NAALADL2: variants seen among roughly 807,000 people sequenced by gnomAD.
The protein encoded by NAALADL2 is N-acetylated alpha-linked acidic dipeptidase like 2.
A neutral mutation model predicts 87.2 loss-of-function variants in NAALADL2; 76 were observed. The observed-to-expected ratio is 0.87, with a 90% CI of 0.72 to 1.05. The LOEUF (loss-of-function observed/expected upper bound fraction) is 1.05, where lower values mean the gene tolerates loss of function less well. NAALADL2 is among the 50% of genes least tolerant of loss of function. The pLI, the probability that NAALADL2 is intolerant of heterozygous loss-of-function variation, is 0.00. For synonymous variants in NAALADL2, 354 were observed against 331.0 expected (o/e 1.07, Z -0.75); for missense variants, 1,089 against 945.8 (o/e 1.15, Z -1.99).
At chr3:174,805,803 T>A (rs1357987646) in intron 3 of NAALADL2, among the ~76,000 whole-genome samples, 1 of 152,186 alleles carries the variant, frequency 6.6e-6, no homozygotes, top group Non-Finnish European at 1.5e-5. Context: ...ATGAGTTAAA[T>A]CATAAATATA....
intron 1 of NAALADL2, among the ~76,000 whole-genome samples, chr3:175,007,120 G>T (rs1262939420): frequency 5.3e-5 from 7 of 131,714 alleles, no homozygotes. Context: ...CCCAAGCCTT[G>T]CACATGCCTA....
At chr3:175,304,155 A>G (rs1654842020) in intron 4 of NAALADL2, among the ~76,000 whole-genome samples, 1 of 152,210 alleles carries the variant, frequency 6.6e-6, no homozygotes, top group Admixed American at 6.5e-5. Flanking sequence ...TGCTCCAGAC[A>G]AGAGAAAAGA....
At chr3:174,859,210 A>T, upstream of NAALADL2, 1 of 566,886 alleles carries the variant, frequency 1.8e-6, no homozygotes, top group Non-Finnish European at 3.2e-6. Flanking sequence ...CAGTGGATCA[A>T]AAGATATGAT....
intron 5 of NAALADL2, among the ~76,000 whole-genome samples, chr3:175,336,108 G>A (rs917456339): frequency 1.3e-5 from 2 of 149,868 alleles, no homozygotes; most frequent in African/African-American, 2.5e-5. Flanking sequence ...AGGGCCTCCC[G>A]AAAGCCTTTC....
chr3:175,558,001 T>C (rs145603715), intron 9 of NAALADL2, among the ~76,000 whole-genome samples: 5,753 of 152,072 alleles, frequency 0.038, 165 homozygotes, highest in South Asian at 0.15. Flanking sequence ...GAGACCATCC[T>C]GGCTAACATG....
At chr3:175,639,611 TC>T (rs1198437354) in intron 11 of NAALADL2, among the ~76,000 whole-genome samples, 1 of 152,112 alleles carries the variant, frequency 6.6e-6, no homozygotes, top group Non-Finnish European at 1.5e-5. Context: ...TGAGTGTTAT[TC>T]TTAAATGTAA....
intron 2 of NAALADL2, among the ~76,000 whole-genome samples, chr3:175,111,551 G>T (rs1265771639): frequency 6.6e-6 from 1 of 151,696 alleles, no homozygotes; most frequent in African/African-American, 2.4e-5. Context: ...TTTTCAGATA[G>T]CTACTGACAT....
chr3:174,885,359 G>A (rs1292936791), intron 1 of NAALADL2, among the ~76,000 whole-genome samples: 3 of 152,108 alleles, frequency 2.0e-5, no homozygotes, highest in South Asian at 2.1e-4. Context: ...TTCTGAAGCC[G>A]GGAGAAGAAT....
At chr3:175,258,760 C>T (rs773418924) in intron 4 of NAALADL2, among the ~76,000 whole-genome samples, 6 of 151,960 alleles carry the variant, frequency 3.9e-5, no homozygotes, top group South Asian at 2.1e-4. Flanking sequence ...ATGTGGGGGA[C>T]GTGATAGAAT....
At chr3:175,308,922 T>G (rs541776164) in intron 4 of NAALADL2, among the ~76,000 whole-genome samples, 3 of 152,304 alleles carry the variant, frequency 2.0e-5, no homozygotes, top group Admixed American at 6.5e-5. Flanking sequence ...AGGCATCCAA[T>G]TTGCTCCCCT....
chr3:175,463,168 G>T (rs1360504985), intron 6 of NAALADL2, among the ~76,000 whole-genome samples: 1 of 152,098 alleles, frequency 6.6e-6, no homozygotes, highest in Non-Finnish European at 1.5e-5. Context: ...TGGCTCTGAG[G>T]TTCAAAGAGG....
chr3:175,591,185 G>A (rs1440200105), intron 10 of NAALADL2, among the ~76,000 whole-genome samples: 1 of 152,080 alleles, frequency 6.6e-6, no homozygotes, highest in Non-Finnish European at 1.5e-5. Flanking sequence ...GAATATAAAT[G>A]CTATTTATGA....
chr3:175,141,198 C>T (rs1220899736), intron 2 of NAALADL2, among the ~76,000 whole-genome samples: 3 of 152,096 alleles, frequency 2.0e-5, no homozygotes, highest in African/African-American at 4.8e-5. Context: ...CAGAAAGTCA[C>T]TTCCCTAATA....
At chr3:175,734,434 G>A (rs149012334) in intron 11 of NAALADL2, among the ~76,000 whole-genome samples, 119 of 152,230 alleles carry the variant, frequency 7.8e-4, no homozygotes, top group African/African-American at 2.5e-3. Context: ...GTGGGCGCCT[G>A]TAGTCCCAGC....
At chr3:175,551,069 AGTGTGTGTGTGTCTCTGCGTGTGT>A (rs779052098) in intron 9 of NAALADL2, among the ~76,000 whole-genome samples, 51 of 150,798 alleles carry the variant, frequency 3.4e-4, no homozygotes, top group Non-Finnish European at 5.6e-4. Flanking sequence ...GAGAGAGACG[AGTGTGTGTGTGTCTCTGCGTGTGT>A]GTGTGTGTGT....
At position 175,138,133 on chromosome 3, in the gene NAALADL2, G is replaced by A. The variant is rs570359436; in HGVS notation, c.545+40842G>A. The stretch of plus-strand genomic sequence containing the variant: ...GAAAGGAGTTTCAAAACAGAGGATG[G>A]AGTGAGAAATGCAAGAAAGGAAAGT... On this transcript the variant is annotated intron_variant, in intron 2 of 13. Transcript: ENST00000454872. Among the ~76,000 whole-genome samples, 80 of 152,310 alleles carry A rather than the reference G, an allele frequency of 5.3e-4. 3 individuals are homozygous for A. The South Asian group carries it at 0.013, about 25-fold the overall frequency.
intron 1 of NAALADL2, among the ~76,000 whole-genome samples, chr3:174,462,655 C>T (rs1363210070): frequency 5.9e-5 from 9 of 151,970 alleles, no homozygotes; most frequent in Non-Finnish European, 1.0e-4. Flanking sequence ...TCAAGATATG[C>T]GTCTTTGAAT....
At chr3:175,726,366 T>C (rs947544681) in intron 11 of NAALADL2, among the ~76,000 whole-genome samples, 2 of 152,240 alleles carry the variant, frequency 1.3e-5, no homozygotes, top group South Asian at 2.1e-4. Flanking sequence ...AACTTTATCT[T>C]TGCCTGAGGC....
At chr3:175,251,405 C>G (rs1371856681) in intron 3 of NAALADL2, among the ~76,000 whole-genome samples, 1 of 152,210 alleles carries the variant, frequency 6.6e-6, no homozygotes, top group African/African-American at 2.4e-5. Context: ...TCGCACGTCT[C>G]AATTACTCTC....
Sources: allele counts gnomAD v4.1 joint callset (sites outside exome capture counted in the v4.1 genomes callset), GRCh38; gene constraint gnomAD v4.1.1; transcripts MANE v1.5; gene names NCBI Gene and HGNC (gene_info 2026-07-23, HGNC 2026-07-21).